The following TRIM2 variants were observed in gnomAD, a reference collection of about 807,000 sequenced individuals.
The protein encoded by TRIM2 is tripartite motif containing 2.
Under a neutral mutation model 75.2 loss-of-function variants are expected in TRIM2, and 20 were observed. That is an observed-to-expected ratio of 0.27 (90% confidence interval 0.19 to 0.39). The LOEUF (loss-of-function observed/expected upper bound fraction) is 0.39. Among genes scored for constraint, TRIM2 ranks in the 10% least tolerant of loss-of-function variants. The probability of loss-of-function intolerance (pLI) is 1.00; values close to 1 mark genes in which losing one functional copy is unlikely to be tolerated. For missense variants in TRIM2, 660 were observed against 990.8 expected (o/e 0.67, Z 4.48); for synonymous variants, 373 against 388.3 (o/e 0.96, Z 0.46).
intron 1 of TRIM2, among the ~76,000 whole-genome samples, chr4:153,182,322 G>C (rs896952109): frequency 4.6e-5 from 7 of 152,146 alleles, no homozygotes; most frequent in Admixed American, 3.9e-4. Context: ...GTCCAACCAG[G>C]CTCCTTGATG....
At chr4:153,223,171 G>C (rs969519045) in intron 1 of TRIM2, 5 of 152,376 alleles carry the variant, frequency 3.3e-5, no homozygotes, top group African/African-American at 9.7e-5. Context: ...GGCCTGGAGC[G>C]GGTGCAGTGG....
At chr4:153,262,802 A>C (rs1460348489) in intron 1 of TRIM2, among the ~76,000 whole-genome samples, 3 of 152,214 alleles carry the variant, frequency 2.0e-5, no homozygotes, top group Non-Finnish European at 1.5e-5. Flanking sequence ...TTCGGCCTAC[A>C]TCTAGGAATA....
At chr4:153,160,328 G>T (rs1244767578) in intron 1 of TRIM2, among the ~76,000 whole-genome samples, 4 of 152,166 alleles carry the variant, frequency 2.6e-5, no homozygotes, top group Admixed American at 6.5e-5. Context: ...AAAGCTTCAA[G>T]GTTCTAGAAA....
chr4:153,257,211 C>T (rs1185230089), intron 1 of TRIM2, among the ~76,000 whole-genome samples: 2 of 152,202 alleles, frequency 1.3e-5, no homozygotes, highest in South Asian at 4.1e-4. Flanking sequence ...GTCGCCTCTC[C>T]CCTGGTGAAT....
At chr4:153,188,399 G>T (rs1362739840) in intron 1 of TRIM2, among the ~76,000 whole-genome samples, 2 of 152,190 alleles carry the variant, frequency 1.3e-5, no homozygotes, top group Non-Finnish European at 2.9e-5. Context: ...GGTAGAGGCT[G>T]CAGTGAGCTG....
chr4:153,293,449 T>C (rs1762211014), intron 4 of TRIM2, among the ~76,000 whole-genome samples: 1 of 152,200 alleles, frequency 6.6e-6, no homozygotes, highest in Non-Finnish European at 1.5e-5. Flanking sequence ...GAAACCAGGC[T>C]CTCTGAGGAG....
intron 1 of TRIM2, among the ~76,000 whole-genome samples, chr4:153,183,628 A>C (rs1732292929): frequency 6.6e-6 from 1 of 152,190 alleles, no homozygotes; most frequent in African/African-American, 2.4e-5. Context: ...TGCAGGGATG[A>C]GCAGAGGCTG....
chr4:153,262,496 T>G (rs1364365994), intron 1 of TRIM2, among the ~76,000 whole-genome samples: 1 of 152,206 alleles, frequency 6.6e-6, no homozygotes. Context: ...AACACCAATC[T>G]TAGGTTTTAC....
chr4:153,189,853 A>T (rs528209724), intron 1 of TRIM2, among the ~76,000 whole-genome samples: 6 of 152,334 alleles, frequency 3.9e-5, no homozygotes, highest in African/African-American at 1.4e-4. Flanking sequence ...TTTAGAAGTG[A>T]CATTTCAAGA....
chr4:153,236,823 C>A (rs1052649436), intron 1 of TRIM2, among the ~76,000 whole-genome samples: 3 of 152,092 alleles, frequency 2.0e-5, no homozygotes, highest in Non-Finnish European at 4.4e-5. Flanking sequence ...TCCTCAGTAG[C>A]TGGGACTATA....
At chr4:153,211,662 A>T (rs557974158) in intron 1 of TRIM2, among the ~76,000 whole-genome samples, 1 of 150,136 alleles carries the variant, frequency 6.7e-6, no homozygotes, top group Non-Finnish European at 1.5e-5. Flanking sequence ...ATTATTTTTT[A>T]TTTTTTTGTA....
chr4:153,317,583 G>T (rs898028462), intron 8 of TRIM2, among the ~76,000 whole-genome samples: 3 of 151,694 alleles, frequency 2.0e-5, no homozygotes, highest in African/African-American at 4.8e-5. Context: ...CCGGGAGGCG[G>T]AGCTTGCAGT....
chr4:153,169,597 T>C (rs915012307), intron 1 of TRIM2, among the ~76,000 whole-genome samples: 1 of 152,232 alleles, frequency 6.6e-6, no homozygotes, highest in Non-Finnish European at 1.5e-5. Flanking sequence ...TGTATGTGTG[T>C]GTATATTGTA....
At chr4:153,300,344 C>T (rs1763614844) in intron 6 of TRIM2, among the ~76,000 whole-genome samples, 2 of 151,826 alleles carry the variant, frequency 1.3e-5, no homozygotes, top group African/African-American at 2.4e-5. Flanking sequence ...GGCTGGAGTA[C>T]AATGGCGAGG....
chr4:153,225,847 T>G (rs1197547468), intron 1 of TRIM2, among the ~76,000 whole-genome samples: 1 of 152,234 alleles, frequency 6.6e-6, no homozygotes, highest in Non-Finnish European at 1.5e-5. Flanking sequence ...CTATATTATT[T>G]TTGCATATCC....
chr4:153,314,005 T>C (rs1766976263), intron 6 of TRIM2, among the ~76,000 whole-genome samples: 1 of 152,144 alleles, frequency 6.6e-6, no homozygotes, highest in Non-Finnish European at 1.5e-5. Flanking sequence ...TATGAAAAAT[T>C]TATCTTCCTT....
intron 1 of TRIM2, among the ~76,000 whole-genome samples, chr4:153,225,071 T>C (rs968651094): frequency 9.2e-5 from 14 of 152,188 alleles, no homozygotes; most frequent in Non-Finnish European, 2.1e-4. Context: ...TTTGGCCTAT[T>C]CAATGATGAT....
At chr4:153,159,076 T>TA (rs1729497828) in intron 1 of TRIM2, among the ~76,000 whole-genome samples, 1 of 152,208 alleles carries the variant, frequency 6.6e-6, no homozygotes, top group Non-Finnish European at 1.5e-5. Context: ...AAAATTGATA[T>TA]AAAGTGTCCG....
At chr4:153,326,989 A>G (rs1319763302) in intron 10 of TRIM2, among the ~76,000 whole-genome samples, 1 of 151,842 alleles carries the variant, frequency 6.6e-6, no homozygotes, top group Non-Finnish European at 1.5e-5. Flanking sequence ...CAAAAAAAAA[A>G]AAAAAAAAAG....
Sources: allele counts gnomAD v4.1 joint callset (sites outside exome capture counted in the v4.1 genomes callset), GRCh38; gene constraint gnomAD v4.1.1; transcripts MANE v1.5; gene names NCBI Gene and HGNC (gene_info 2026-07-23, HGNC 2026-07-21).